Variants in PIK3R5 observed in about 807,000 individuals in gnomAD.
PIK3R5 encodes the protein phosphoinositide-3-kinase regulatory subunit 5.
PIK3R5 carries 32 observed loss-of-function variants against 94.9 expected under a neutral mutation model. The ratio of observed to expected loss-of-function variants is 0.34; its 90% CI spans 0.25 to 0.45. The LOEUF (loss-of-function observed/expected upper bound fraction) is 0.45, where lower values mean the gene tolerates loss of function less well. Ranked by LOEUF, PIK3R5 falls within the 20% of genes least tolerant of loss-of-function variation. The pLI is 1.00. For synonymous variants in PIK3R5, 443 were observed against 479.4 expected, an observed-to-expected ratio of 0.92 and a Z score of 0.99; for missense variants, 853 against 1,144.6, an observed-to-expected ratio of 0.75 and a Z score of 3.68.
rs2089604524 is a variant in PIK3R5, at chr17:8,879,531, G to C, written c.*1108C>G. The C allele has an allele frequency of 6.6e-6, 1 of 152,246 alleles. No individual in the cohort carries two copies. Among genetic ancestry groups the C allele is most frequent in the African/African-American group, 2.4e-5 (1 of 41,442 alleles). The allele number at this position is 152,246 out of a possible 1,614,324, so 9.4% of individuals were successfully genotyped here. A position where few individuals can be genotyped will look rare whatever the true frequency, so the allele number is the denominator to read the frequency against. On this transcript the variant is annotated 3_prime_UTR_variant, in exon 19 of 19. Coordinates refer to ENST00000447110, the MANE Select transcript of PIK3R5 (RefSeq NM_001142633.3). This position sits in a 1 kb window ranked among gnomAD's most constrained non-coding sequence, Gnocchi z 4.4. Reference sequence around the variant, plus strand: ...AAGATTGTACACGCAGAGTGAGATGGGAGTGGGAGGGCCAATCTGATACAG... The same window carrying C: ...AAGATTGTACACGCAGAGTGAGATGCGAGTGGGAGGGCCAATCTGATACAG...
intron 5 of PIK3R5, among the ~76,000 whole-genome samples, chr17:8,898,991 A>G (rs2090216043): frequency 6.6e-6 from 1 of 152,236 alleles, no homozygotes; most frequent in East Asian, 1.9e-4. Flanking sequence ...AAAATTGCAG[A>G]GCGGTTTGCA....
In PIK3R5 at chr17:8,883,154, G is replaced by A. The variant is rs201918143; in HGVS notation, c.2206-1273C>T. On this transcript the variant is annotated intron_variant, in intron 15 of 18. Transcript: ENST00000447110. The stretch of plus-strand genomic sequence containing the variant: ...GGAAGCCAAGGCAGGTGGATCATGA[G>A]GTCAGGAGTTCGAGACCAGCCTGGC... 1.6e-4 allele frequency among the ~76,000 whole-genome samples: 24 copies of A among 152,322 alleles called. No homozygotes were observed. The East Asian group carries it at 4.6e-3, about 29-fold the overall frequency.
intron 1 of PIK3R5, among the ~76,000 whole-genome samples, chr17:8,959,199 A>G (rs1375689114): frequency 1.3e-5 from 2 of 152,198 alleles, no homozygotes; most frequent in Non-Finnish European, 2.9e-5. Context: ...GTGAGTCGCT[A>G]CCAGTGTCCT....
intron 1 of PIK3R5, among the ~76,000 whole-genome samples, chr17:8,917,094 C>T (rs1333252221): frequency 6.6e-6 from 1 of 152,138 alleles, no homozygotes; most frequent in Non-Finnish European, 1.5e-5. Context: ...GCAGAATCTC[C>T]ACCGTGACCT....
chr17:8,882,184 G>A lies in PIK3R5; in HGVS notation c.2206-303C>T, dbSNP rs751731351. Reference sequence around the variant, plus strand: ...CCTGCCGGGCCCAGAGTGAAGAAGGGTTGGGCCCACAGACATGCTGTTTCT... The same window carrying A: ...CCTGCCGGGCCCAGAGTGAAGAAGGATTGGGCCCACAGACATGCTGTTTCT... On this transcript the variant is annotated intron_variant, in intron 15 of 18. Coordinates refer to ENST00000447110, the MANE Select transcript of PIK3R5 (RefSeq NM_001142633.3). This position sits in a 1 kb window ranked among gnomAD's most constrained non-coding sequence, Gnocchi z 4.1. 1.8e-5 allele frequency: 7 copies of A among 393,198 alleles called. No homozygotes were observed. The highest frequency in any genetic ancestry group is 3.1e-5 in the South Asian group (1 of 31,850). 24.4% of individuals were successfully genotyped at this position (393,198 alleles called of 1,614,324 possible). A position where few individuals can be genotyped will look rare whatever the true frequency, so the allele number is the denominator to read the frequency against.
chr17:8,899,133 G>A (rs919363372), intron 5 of PIK3R5, among the ~76,000 whole-genome samples: 11 of 152,242 alleles, frequency 7.2e-5, no homozygotes, highest in African/African-American at 2.7e-4. Context: ...GAGGGCTGTG[G>A]TGGGCAGGAC....
chr17:8,946,815 G>C (rs1305203467), intron 1 of PIK3R5, among the ~76,000 whole-genome samples: 3 of 151,956 alleles, frequency 2.0e-5, no homozygotes, highest in Non-Finnish European at 4.4e-5. Context: ...TGTCTGCCTG[G>C]CTCACTCCTT....
rs2089919465 is a variant in PIK3R5, at chr17:8,888,040, A to ATAATAG, written c.1616+130_1616+131insCTATTA. 3.9e-6 allele frequency: 1 copy of ATAATAG among 254,816 alleles called. No individual in the cohort carries two copies. The highest frequency in any genetic ancestry group is 2.5e-5 in the African/African-American group (1 of 40,180). 15.8% of individuals were successfully genotyped at this position (254,816 alleles called of 1,614,324 possible). A position where few individuals can be genotyped will look rare whatever the true frequency, so the allele number is the denominator to read the frequency against. On this transcript the variant is annotated intron_variant, in intron 10 of 18. Transcript: ENST00000447110. The surrounding 1 kb of genome is among the most constrained non-coding windows in gnomAD (Gnocchi z 7.8). ...AATAATAATAATAATAATAATAATAATAATAATAAAATAAAAATAAATAAG... is the reference window on the plus strand; with the variant it reads ...AATAATAATAATAATAATAATAATAATAATAGTAATAATAAAATAAAAATAAATAAG...
chr17:8,941,106 C>T (rs750800229), intron 1 of PIK3R5, among the ~76,000 whole-genome samples: 11 of 152,216 alleles, frequency 7.2e-5, no homozygotes, highest in Non-Finnish European at 1.5e-4. Flanking sequence ...ATGGGAGCCA[C>T]TCCAGCTGTC....
At chr17:8,965,172 C>T (rs1400688130) in intron 1 of PIK3R5, among the ~76,000 whole-genome samples, 1 of 152,232 alleles carries the variant, frequency 6.6e-6, no homozygotes, top group Admixed American at 6.5e-5. Context: ...GCGCCTTACG[C>T]GGGCACTTCC....
intron 1 of PIK3R5, among the ~76,000 whole-genome samples, chr17:8,952,904 C>T (rs1290075403): frequency 6.6e-6 from 1 of 152,096 alleles, no homozygotes; most frequent in East Asian, 1.9e-4. Flanking sequence ...CAACTGTGGC[C>T]GTTATCATAT....
intron 1 of PIK3R5, among the ~76,000 whole-genome samples, chr17:8,964,252 C>T (rs554453352): frequency 1.3e-5 from 2 of 152,168 alleles, no homozygotes; most frequent in African/African-American, 2.4e-5. Context: ...ATTAGCTGGG[C>T]GCCGTGGTGC....
At chr17:8,947,807 G>T (rs2091301841) in intron 1 of PIK3R5, among the ~76,000 whole-genome samples, 1 of 152,134 alleles carries the variant, frequency 6.6e-6, no homozygotes, top group Non-Finnish European at 1.5e-5. Context: ...ACTTTGGGAG[G>T]CCGAGGCCGG....
chr17:8,888,269 C>T lies in PIK3R5; in HGVS notation c.1518G>A (p.Leu506=). Residue 506 remains leucine, a synonymous_variant, in exon 10 of 19, where the codon CTG becomes CTA. Coordinates refer to ENST00000447110, the MANE Select transcript of PIK3R5 (RefSeq NM_001142633.3). This position sits in a 1 kb window ranked among gnomAD's most constrained non-coding sequence, Gnocchi z 7.8. The part of the protein sequence containing the change: ...ASRPQRRRPF[L]SGDEDPKAST... ...AAGCCTTGGGATCCTCATCTCCACT[C>T]AGGAAGGGGCGGCGGCGCTGGGGGC... 1 of 1,613,428 alleles carries T rather than the reference C, an allele frequency of 6.2e-7. No individual in the cohort carries two copies. Among genetic ancestry groups the T allele is most frequent in the Non-Finnish European group, 8.5e-7 (1 of 1,179,938 alleles).
chr17:8,947,707 T>C (rs986957089), intron 1 of PIK3R5, among the ~76,000 whole-genome samples: 1 of 152,030 alleles, frequency 6.6e-6, no homozygotes, highest in African/African-American at 2.4e-5. Context: ...GTTAAGGTGA[T>C]ACGAAAGAGA....
At chr17:8,954,406 T>C (rs2091431888) in intron 1 of PIK3R5, among the ~76,000 whole-genome samples, 1 of 152,192 alleles carries the variant, frequency 6.6e-6, no homozygotes, top group Non-Finnish European at 1.5e-5. Flanking sequence ...TTCGCCTTAC[T>C]CCCTCTGAAA....
At position 8,886,567 on chromosome 17, in the gene PIK3R5, G is replaced by C. The variant is rs367793229; in HGVS notation, c.1944C>G (p.Ser648=). 8.2e-5 allele frequency: 132 copies of C among 1,611,236 alleles called. No individual in the cohort carries two copies. The highest frequency in any genetic ancestry group is 1.1e-4 in the Non-Finnish European group (129 of 1,178,730). ...CAGCCAGGATGGGCAGCTGGGTTGG[G>C]GAGCCCTCCAGGGCCTGGGCTTCAG... is the stretch of plus-strand genomic sequence containing the variant. ...LKAEAQALEG[S]PTQLPILADM... The change falls in exon 13 of 19, where the codon TCC becomes TCG. Residue 648 remains serine, a synonymous_variant. Coordinates refer to ENST00000447110, the MANE Select transcript of PIK3R5 (RefSeq NM_001142633.3).
chr17:8,926,602 G>A (rs908021635), intron 1 of PIK3R5, among the ~76,000 whole-genome samples: 2 of 152,134 alleles, frequency 1.3e-5, no homozygotes, highest in African/African-American at 4.8e-5. Flanking sequence ...ACCCCTGATA[G>A]AACCATCAAA....
intron 6 of PIK3R5, among the ~76,000 whole-genome samples, chr17:8,891,660 G>A (rs1419341598): frequency 5.2e-4 from 78 of 149,402 alleles, no homozygotes; most frequent in East Asian, 3.9e-4. Context: ...GCAGTGGCAC[G>A]ATCTCAGCTC....
Sources: allele counts gnomAD v4.1 joint callset (sites outside exome capture counted in the v4.1 genomes callset), GRCh38; gene constraint gnomAD v4.1.1; non-coding constraint Gnocchi (gnomAD v3.1); transcripts MANE v1.5; gene names NCBI Gene and HGNC (gene_info 2026-07-23, HGNC 2026-07-21).